The following POT1 variants were observed in gnomAD, a reference collection of about 807,000 sequenced individuals.
POT1 encodes the protein protection of telomeres protein 1.
A neutral mutation model predicts 78.5 loss-of-function variants in POT1; 47 were observed. The observed-to-expected ratio is 0.60, with a 90% confidence interval of 0.47 to 0.76. The LOEUF is 0.76. Ranked by LOEUF, POT1 falls within the 30% of genes least tolerant of loss-of-function variation. The pLI, the probability that POT1 is intolerant of heterozygous loss-of-function variation, is 0.00. For synonymous variants in POT1, 259 were observed against 260.7 expected (o/e 0.99, Z 0.06); for missense variants, 646 against 749.9 (o/e 0.86, Z 1.62).
intron 3 of POT1, 75 bp downstream of exon 3, chr7:124,915,499 A>G (rs1796994768): frequency 6.6e-6 from 1 of 152,132 alleles, no homozygotes; most frequent in Non-Finnish European, 1.5e-5. Context: ...ATACACACAC[A>G]TATATATATG....
intron 7 of POT1, among the ~76,000 whole-genome samples, chr7:124,868,037 CAATAAATA>C (rs573113128): frequency 6.6e-6 from 1 of 151,920 alleles, no homozygotes. Flanking sequence ...GATGCCTATA[CAATAAATA>C]AATAAATAAA....
intron 6 of POT1, among the ~76,000 whole-genome samples, chr7:124,882,496 T>TTC (rs1796142391): frequency 3.3e-5 from 5 of 151,950 alleles, no homozygotes. Context: ...GCATGGAAGA[T>TTC]GAAAGAAGAA....
At chr7:124,828,413 T>C (rs1794681985) in intron 16 of POT1, among the ~76,000 whole-genome samples, 1 of 152,184 alleles carries the variant, frequency 6.6e-6, no homozygotes. Flanking sequence ...AGATACTCAA[T>C]TTATAGAATG....
At chr7:124,846,589 A>G (rs1392922856) in intron 12 of POT1, among the ~76,000 whole-genome samples, 1 of 152,098 alleles carries the variant, frequency 6.6e-6, no homozygotes, top group East Asian at 1.9e-4. Flanking sequence ...CTCTTCATGT[A>G]ATAGTTTAAA....
chr7:124,860,465 GATAA>G (rs1177488426), intron 8 of POT1, among the ~76,000 whole-genome samples: 1 of 151,898 alleles, frequency 6.6e-6, no homozygotes, highest in East Asian at 1.9e-4. Context: ...CTGTAAGAAA[GATAA>G]ATATATTCTT....
intron 14 of POT1, among the ~76,000 whole-genome samples, chr7:124,836,899 G>A (rs1363231986): frequency 6.6e-6 from 1 of 152,138 alleles, no homozygotes; most frequent in Non-Finnish European, 1.5e-5. Flanking sequence ...TGCCACTAAT[G>A]CCTAAATCAG....
chr7:124,851,157 A>G (rs760036933), intron 11 of POT1, among the ~76,000 whole-genome samples: 46 of 152,024 alleles, frequency 3.0e-4, no homozygotes, highest in Admixed American at 2.6e-4. Flanking sequence ...AAAGCCAGGC[A>G]TGTTGGCATG....
chr7:124,895,537 CTTTA>C lies in POT1; in HGVS notation c.9+1624_9+1627del, dbSNP rs1314877025. 2.1e-5 allele frequency among the ~76,000 whole-genome samples: 3 copies of C among 143,014 alleles called. No homozygotes were observed. In the Admixed American group the frequency reaches 2.2e-4, roughly 10 times the overall value. 93.8% of individuals were successfully genotyped at this position (143,014 alleles called of 152,430 possible). ...GCAGCATAATTCGATTCATTCATTC[CTTTA>C]TTTATTTCTGTCCTTCCTTCATTCA... On this transcript the variant is annotated intron_variant, in intron 5 of 18. Transcript: ENST00000357628.
At chr7:124,852,423 A>T (rs898997387) in intron 10 of POT1, among the ~76,000 whole-genome samples, 1 of 152,134 alleles carries the variant, frequency 6.6e-6, no homozygotes, top group African/African-American at 2.4e-5. Context: ...TAGAATATTG[A>T]CCAAAATGCT....
intron 6 of POT1, among the ~76,000 whole-genome samples, chr7:124,885,293 CAAAAAAAAA>C (rs11372618): frequency 1.6e-5 from 1 of 63,250 alleles, no homozygotes; most frequent in African/African-American, 6.2e-5. Flanking sequence ...TCCATCTCTC[CAAAAAAAAA>C]AAAAAAAAAA....
intron 2 of POT1, among the ~76,000 whole-genome samples, chr7:124,922,900 T>C (rs1405210414): frequency 2.0e-5 from 3 of 151,486 alleles, no homozygotes; most frequent in East Asian, 1.9e-4. Context: ...CATAAGTAAG[T>C]TGAAAAAGAA....
intron 6 of POT1, among the ~76,000 whole-genome samples, chr7:124,880,919 T>C (rs1272148832): frequency 6.6e-6 from 1 of 152,024 alleles, no homozygotes; most frequent in Non-Finnish European, 1.5e-5. Flanking sequence ...ATACTTACAG[T>C]AGCAATACTT....
chr7:124,880,216 A>C (rs1796085945), intron 6 of POT1, among the ~76,000 whole-genome samples: 1 of 152,128 alleles, frequency 6.6e-6, no homozygotes, highest in Non-Finnish European at 1.5e-5. Flanking sequence ...GAAGGTTTGA[A>C]GTTTCTTAAA....
At chr7:124,856,577 T>C (rs1054598301) in intron 9 of POT1, among the ~76,000 whole-genome samples, 4 of 152,168 alleles carry the variant, frequency 2.6e-5, no homozygotes, top group Non-Finnish European at 4.4e-5. Context: ...CAGCTATTAC[T>C]TACTTCATCC....
chr7:124,828,385 T>G (rs1390659172), intron 16 of POT1, among the ~76,000 whole-genome samples: 3 of 152,058 alleles, frequency 2.0e-5, no homozygotes, highest in Non-Finnish European at 4.4e-5. Context: ...GATAAATATC[T>G]TCTTGTTTGG....
intron 6 of POT1, among the ~76,000 whole-genome samples, chr7:124,879,899 C>T (rs117994714): frequency 2.5e-3 from 384 of 152,212 alleles, no homozygotes; most frequent in Non-Finnish European, 4.4e-3. Context: ...CCACACAGTA[C>T]ATCATTTATG....
chr7:124,896,113 A>C (rs1015799267), intron 5 of POT1, among the ~76,000 whole-genome samples: 1 of 151,454 alleles, frequency 6.6e-6, no homozygotes, highest in Non-Finnish European at 1.5e-5. Flanking sequence ...AAACTCAAAA[A>C]CAGTAACTCC....
intron 6 of POT1, among the ~76,000 whole-genome samples, chr7:124,889,928 A>T (rs898587532): frequency 7.9e-5 from 12 of 152,052 alleles, no homozygotes; most frequent in African/African-American, 2.9e-4. Flanking sequence ...TACAATATCC[A>T]TTCTGCAGCC....
chr7:124,920,964 G>A (rs1639463560), intron 2 of POT1, among the ~76,000 whole-genome samples: 1 of 152,066 alleles, frequency 6.6e-6, no homozygotes, highest in African/African-American at 2.4e-5. Flanking sequence ...GGGCGTGGTG[G>A]CATGTGCCTA....
Sources: gnomAD v4.1 joint callset for allele counts (sites outside exome capture counted in the v4.1 genomes callset) on GRCh38, gnomAD v4.1.1 for gene constraint, MANE v1.5 for transcripts, NCBI Gene and HGNC (gene_info 2026-07-23, HGNC 2026-07-21) for gene names.